Variants in BAG3 observed in about 807,000 individuals in gnomAD.
BAG3 encodes BAG family molecular chaperone regulator 3.
BAG3 carries 14 observed loss-of-function variants against 40.5 expected under a neutral mutation model. The observed-to-expected ratio is 0.35, with a 90% CI of 0.23 to 0.54. BAG3 has a LOEUF of 0.54. Among genes scored for constraint, BAG3 ranks in the 20% least tolerant of loss-of-function variants. The probability of loss-of-function intolerance (pLI) is 0.91; values close to 1 mark genes in which losing one functional copy is unlikely to be tolerated. For synonymous variants in BAG3, 302 were observed against 307.8 expected (o/e 0.98, Z 0.20); for missense variants, 788 against 758.6 (o/e 1.04, Z -0.46).
chr10:119,651,848 G>A lies in BAG3; in HGVS notation c.173G>A (p.Gly58Asp), dbSNP rs138785335. 1.9e-6 allele frequency: 3 copies of A among 1,569,448 alleles called. No individual in the cohort carries two copies. Among genetic ancestry groups the A allele is most frequent in the Admixed American group, 1.8e-5 (1 of 55,148 alleles). Residue 58 changes from glycine (G) to aspartate (D), a missense_variant, in exon 1 of 4, where the codon GGC becomes GAC. Physicochemically the swap from Gly to Asp is moderately conservative, Grantham distance 94. Coordinates refer to ENST00000369085, the MANE Select transcript of BAG3 (RefSeq NM_004281.4). ...TWNDPRVPSE[G>D]PKETPSSANG... ...AACGACCCGCGCGTGCCCTCTGAGG[G>A]CCCCAAGGTGAGCCGGGCCCGCGGC...
At position 119,672,529 on chromosome 10, in the gene BAG3, G is replaced by C. The variant is rs746454994; in HGVS notation, c.782G>C (p.Arg261Pro). The change falls in exon 3 of 4, where the codon CGG (arginine) becomes CCG (proline). Residue 261 changes from arginine (R) to proline (P), a missense_variant. Arg to Pro is a moderately radical substitution (Grantham distance 103). Coordinates refer to ENST00000369085, the MANE Select transcript of BAG3 (RefSeq NM_004281.4). This position sits in a 1 kb window ranked among gnomAD's most constrained non-coding sequence, Gnocchi z 4.8. ...QGDDWEPRPLRAASPFRSSVQ... is the reference protein window; with the variant it reads ...QGDDWEPRPLPAASPFRSSVQ... ...GATGACTGGGAGCCCCGGCCCCTGC[G>C]GGCGGCATCCCCGTTCAGGTCATCT... is the stretch of plus-strand genomic sequence containing the variant. The C allele has an allele frequency of 3.1e-6, 5 of 1,613,764 alleles. No homozygotes were observed. The highest frequency in any genetic ancestry group is 3.4e-6 in the Non-Finnish European group (4 of 1,179,916).
chr10:119,670,162 C>T lies in BAG3; in HGVS notation c.492C>T (p.Ala164=). The T allele has an allele frequency of 1.2e-6, 2 of 1,610,446 alleles. No individual in the cohort carries two copies. Among genetic ancestry groups the T allele is most frequent in the Non-Finnish European group, 1.7e-6 (2 of 1,179,284 alleles). ...CGGCGGCGGCAGCCCAGCCCCCAGCCTCCCACGGACCTGAGGTAAGGAGAG... is the reference window on the plus strand; with the variant it reads ...CGGCGGCGGCAGCCCAGCCCCCAGCTTCCCACGGACCTGAGGTAAGGAGAG... ...VAAAAAAQPP[A]SHGPERSQSP... is the part of the protein sequence containing the mutation. Residue 164 remains alanine (A), a synonymous_variant, in exon 2 of 4, where the codon GCC becomes GCT. Transcript: ENST00000369085.
At chr10:119,654,762 A>T (rs1048565448) in intron 1 of BAG3, among the ~76,000 whole-genome samples, 1 of 152,002 alleles carries the variant, frequency 6.6e-6, no homozygotes. Flanking sequence ...TGGTGCAGCC[A>T]CTCCTCCAGG....
intron 1 of BAG3, among the ~76,000 whole-genome samples, chr10:119,668,545 C>T (rs777630917): frequency 3.9e-5 from 6 of 152,208 alleles, no homozygotes; most frequent in Admixed American, 2.6e-4. Flanking sequence ...CCTCGGTGCT[C>T]GGGGACTGTT....
rs1434506876 is a variant in BAG3 at position 119,676,565 on chromosome 10, C to A, written c.1011C>A (p.Ile337=). 1 of 1,614,064 alleles carries A rather than the reference C, an allele frequency of 6.2e-7. No homozygotes were observed. Residue 337 remains isoleucine, a synonymous_variant, in exon 4 of 4, where the codon ATC becomes ATA. Transcript: ENST00000369085. The stretch of plus-strand genomic sequence containing the variant: ...GACCAGAACTCCCTCCTGGACACAT[C>A]CCAATTCAAGTGATCCGCAAAGAGG... ...PVGPELPPGH[I]PIQVIRKEVD... is the part of the protein sequence containing the mutation.
At chr10:119,658,426 A>T (rs1284554121) in intron 1 of BAG3, among the ~76,000 whole-genome samples, 1 of 152,168 alleles carries the variant, frequency 6.6e-6, no homozygotes, top group Non-Finnish European at 1.5e-5. Flanking sequence ...AATTAAGCTG[A>T]GTGCTCTCAC....
Position 119,677,393 on chromosome 10 carries a change from G to A in BAG3, c.*111G>A. The A allele has an allele frequency of 7.3e-7, 1 of 1,373,822 alleles. No homozygotes were observed. The allele number at this position is 1,373,822 out of a possible 1,614,324, so 85.1% of individuals were successfully genotyped here. On this transcript the variant is annotated 3_prime_UTR_variant, in exon 4 of 4. Coordinates refer to ENST00000369085, the MANE Select transcript of BAG3 (RefSeq NM_004281.4). ...TTGGTTTTTATTAGCTGCTTGGTATGCAGTAACTTGGGTGGAGGCAAAACA... is the reference window on the plus strand; with the variant it reads ...TTGGTTTTTATTAGCTGCTTGGTATACAGTAACTTGGGTGGAGGCAAAACA...
chr10:119,673,118 C>T (rs546780487), intron 3 of BAG3, among the ~76,000 whole-genome samples: 10 of 152,128 alleles, frequency 6.6e-5, no homozygotes, highest in Admixed American at 2.0e-4. Flanking sequence ...TGAACCCGCT[C>T]CCTGAAATGC....
chr10:119,659,390 A>G (rs1473786039), intron 1 of BAG3, among the ~76,000 whole-genome samples: 1 of 152,108 alleles, frequency 6.6e-6, no homozygotes, highest in South Asian at 2.1e-4. Context: ...GTGAGGGGGG[A>G]CATCAGCCCA....
rs753302310 is a variant in BAG3, at chr10:119,669,995, C to T, written c.325C>T (p.His109Tyr). The change falls in exon 2 of 4, where the codon CAC becomes TAC. Residue 109 changes from histidine to tyrosine, a missense_variant. Transcript: ENST00000369085. ...LHEGAENRQV[H>Y]PFHVYPQPGM... ...TGAAGGCGCTGAGAACCGGCAGGTGCACCCTTTCCATGTCTATCCCCAGCC... is the reference window on the plus strand; with the variant it reads ...TGAAGGCGCTGAGAACCGGCAGGTGTACCCTTTCCATGTCTATCCCCAGCC... 7 of 1,614,114 alleles carry T rather than the reference C, an allele frequency of 4.3e-6. No homozygotes were observed. The Admixed American group carries it at 6.7e-5, about 15-fold the overall frequency.
At position 119,651,808 on chromosome 10, in the gene BAG3, C is replaced by G. The variant is rs747820097; in HGVS notation, c.133C>G (p.Arg45Gly). ...GCCCTTCTTCGTGGACCACAACAGC[C>G]GCACCACTACGTGGAACGACCCGCG... is the stretch of plus-strand genomic sequence containing the variant. ...GWPFFVDHNS[R>G]TTTWNDPRVP... The change falls in exon 1 of 4, where the codon CGC (arginine) becomes GGC (glycine). Residue 45 changes from arginine to glycine, a missense_variant. Arg to Gly is a moderately radical substitution (Grantham distance 125, BLOSUM62 -2). Coordinates refer to ENST00000369085, the MANE Select transcript of BAG3 (RefSeq NM_004281.4). 6.3e-7 allele frequency: 1 copy of G among 1,598,044 alleles called. No individual in the cohort carries two copies. Among genetic ancestry groups the G allele is most frequent in the Non-Finnish European group, 8.5e-7 (1 of 1,172,994 alleles).
At chr10:119,653,388 C>T (rs55980078) in intron 1 of BAG3, among the ~76,000 whole-genome samples, 16,151 of 152,140 alleles carry the variant, frequency 0.11, 1,049 homozygotes, top group East Asian at 0.22. Context: ...ATTTTGAAGC[C>T]TTCTTCCTGT....
intron 3 of BAG3, among the ~76,000 whole-genome samples, chr10:119,673,020 G>A (rs951664517): frequency 6.6e-6 from 1 of 152,260 alleles, no homozygotes; most frequent in Middle Eastern, 3.4e-3. Flanking sequence ...CACCTTGGGT[G>A]TAGGCAGTGT....
chr10:119,657,399 CCT>C (rs1490172744), intron 1 of BAG3: 2 of 380,164 alleles, frequency 5.3e-6, no homozygotes, highest in Non-Finnish European at 1.1e-5. Flanking sequence ...GGGTCACACC[CCT>C]GTTAGGAGTT....
intron 1 of BAG3, among the ~76,000 whole-genome samples, chr10:119,665,767 GTT>G (rs67527405): frequency 6.6e-6 from 1 of 151,446 alleles, no homozygotes; most frequent in Non-Finnish European, 1.5e-5. Context: ...TGAAATTCAT[GTT>G]TTTTTTATTT....
At chr10:119,665,124 GTGTATA>G (rs1384348073) in intron 1 of BAG3, among the ~76,000 whole-genome samples, 15 of 52,672 alleles carry the variant, frequency 2.8e-4, no homozygotes, top group Middle Eastern at 9.8e-3. Flanking sequence ...GTGTGTGTGT[GTGTATA>G]TATATATATA....
At chr10:119,674,034 C>T (rs1434233532) in intron 3 of BAG3, among the ~76,000 whole-genome samples, 1 of 152,198 alleles carries the variant, frequency 6.6e-6, no homozygotes, top group Non-Finnish European at 1.5e-5. Context: ...GCCCCCACTT[C>T]CAGGATGTCT....
At chr10:119,654,789 C>G (rs1846889350) in intron 1 of BAG3, among the ~76,000 whole-genome samples, 2 of 152,218 alleles carry the variant, frequency 1.3e-5, no homozygotes, top group Admixed American at 6.5e-5. Context: ...CCTGAATAAA[C>G]AGAGGCCGGA....
chr10:119,658,946 C>T (rs1026733030), intron 1 of BAG3, among the ~76,000 whole-genome samples: 1 of 152,194 alleles, frequency 6.6e-6, no homozygotes, highest in Non-Finnish European at 1.5e-5. Context: ...TGTGGCCTCT[C>T]CACACAGCAG....
Sources: allele counts gnomAD v4.1 joint callset (sites outside exome capture counted in the v4.1 genomes callset), GRCh38; gene constraint gnomAD v4.1.1; non-coding constraint Gnocchi (gnomAD v3.1); transcripts MANE v1.5; gene names NCBI Gene and HGNC (gene_info 2026-07-23, HGNC 2026-07-21).